The following CACNA2D3 variants were observed in gnomAD, a reference collection of about 807,000 sequenced individuals.
CACNA2D3 encodes calcium voltage-gated channel auxiliary subunit alpha2delta 3.
A neutral mutation model predicts 160.6 loss-of-function variants in CACNA2D3; 60 were observed. That is an observed-to-expected ratio of 0.37 (90% confidence interval 0.30 to 0.46). CACNA2D3 has a LOEUF of 0.46. CACNA2D3 is among the 20% of genes least tolerant of loss of function. CACNA2D3 has a pLI of 1.00. For missense variants in CACNA2D3, 1,205 were observed against 1,365.0 expected, an observed-to-expected ratio of 0.88 and a Z score of 1.85; for synonymous variants, 558 against 492.9, an observed-to-expected ratio of 1.13 and a Z score of -1.75.
At chr3:54,613,903 C>T (rs1242138991) in intron 9 of CACNA2D3, among the ~76,000 whole-genome samples, 2 of 152,124 alleles carry the variant, frequency 1.3e-5, no homozygotes, top group Non-Finnish European at 1.5e-5. Context: ...CCTTTAGTGC[C>T]TCTGTTTTAT....
chr3:54,797,573 C>T (rs528214945), intron 13 of CACNA2D3, among the ~76,000 whole-genome samples: 1 of 152,304 alleles, frequency 6.6e-6, no homozygotes, highest in Non-Finnish European at 1.5e-5. Flanking sequence ...TCCCCACCAC[C>T]CCCATTTTTG....
In CACNA2D3 at chr3:54,575,496, A is replaced by G. The variant is rs545287970; in HGVS notation, c.888+5392A>G. 1.3e-4 allele frequency among the ~76,000 whole-genome samples: 20 copies of G among 151,744 alleles called. No homozygotes were observed. The South Asian group carries it at 1.5e-3, about 11-fold the overall frequency. Reference sequence around the variant, plus strand: ...TTTTGCCTTTTTGTTTCTTTGTTCTATCGATTCATTCAACAAATAGTACTG... The same window carrying G: ...TTTTGCCTTTTTGTTTCTTTGTTCTGTCGATTCATTCAACAAATAGTACTG... On this transcript the variant is annotated intron_variant, in intron 8 of 37. Transcript: ENST00000474759.
intron 3 of CACNA2D3, among the ~76,000 whole-genome samples, chr3:54,333,443 C>G (rs1161141499): frequency 6.6e-6 from 1 of 152,074 alleles, no homozygotes. Flanking sequence ...CCACTTTTCT[C>G]TGGGTATTGA....
intron 17 of CACNA2D3, among the ~76,000 whole-genome samples, chr3:54,847,324 A>G (rs1698955259): frequency 6.6e-6 from 1 of 152,258 alleles, no homozygotes; most frequent in Admixed American, 6.5e-5. Context: ...AAAGTTAAGA[A>G]AGTGTAGATC....
chr3:54,506,489 A>G (rs547409653), intron 5 of CACNA2D3, among the ~76,000 whole-genome samples: 14 of 152,246 alleles, frequency 9.2e-5, no homozygotes, highest in South Asian at 2.1e-4. Context: ...GCTTTCTACA[A>G]TCTGCTTTCT....
Position 54,990,808 on chromosome 3 carries a change from A to T in CACNA2D3, c.2690+3055A>T, listed in dbSNP as rs184892409. Among the ~76,000 whole-genome samples, 24 of 152,290 alleles carry T rather than the reference A, an allele frequency of 1.6e-4. No individual in the cohort carries two copies. The East Asian group carries it at 4.6e-3, about 29-fold the overall frequency. The stretch of plus-strand genomic sequence containing the variant: ...GTGCCATCAGAGGGAAAGAACATCC[A>T]CTTCTGGGTCTGTAGTGCAGGCAGA... On this transcript the variant is annotated intron_variant, in intron 31 of 37. Coordinates refer to ENST00000474759, the MANE Select transcript of CACNA2D3 (RefSeq NM_018398.3).
At chr3:54,464,903 A>G (rs577557804) in intron 4 of CACNA2D3, among the ~76,000 whole-genome samples, 3 of 152,164 alleles carry the variant, frequency 2.0e-5, no homozygotes, top group African/African-American at 2.4e-5. Flanking sequence ...AGCTGTTCCT[A>G]TTTGGCCATC....
intron 13 of CACNA2D3, among the ~76,000 whole-genome samples, chr3:54,807,878 A>G (rs1703174661): frequency 6.7e-6 from 1 of 150,292 alleles, no homozygotes. Flanking sequence ...TGCAGCCATA[A>G]AAAATGATGA....
intron 14 of CACNA2D3, among the ~76,000 whole-genome samples, chr3:54,821,442 T>G (rs906587992): frequency 1.3e-5 from 2 of 152,200 alleles, no homozygotes; most frequent in African/African-American, 4.8e-5. Context: ...GCTTAACTTG[T>G]ATGAGGACTC....
chr3:54,766,570 A>G (rs1236160201), intron 13 of CACNA2D3, among the ~76,000 whole-genome samples: 1 of 152,192 alleles, frequency 6.6e-6, no homozygotes, highest in Admixed American at 6.5e-5. Flanking sequence ...TTACCCTTTG[A>G]TCCAGCAATC....
chr3:54,155,175 T>G (rs1700224294), intron 2 of CACNA2D3, among the ~76,000 whole-genome samples: 1 of 152,212 alleles, frequency 6.6e-6, no homozygotes, highest in Non-Finnish European at 1.5e-5. Flanking sequence ...TAGTGGTCTA[T>G]GGTTTAGTGG....
intron 11 of CACNA2D3, among the ~76,000 whole-genome samples, chr3:54,739,425 C>CAAAAAAAAAAAAAAAA (rs780105524): frequency 1.2e-5 from 1 of 85,324 alleles, no homozygotes; most frequent in Non-Finnish European, 2.2e-5. Flanking sequence ...GACTCTGTCT[C>CAAAAAAAAAAAAAAAA]AAAAAAAAAA....
At chr3:54,882,089 C>G (rs911313790) in intron 21 of CACNA2D3, among the ~76,000 whole-genome samples, 3 of 152,192 alleles carry the variant, frequency 2.0e-5, no homozygotes, top group Non-Finnish European at 4.4e-5. Flanking sequence ...CAGAGACATG[C>G]CAGAGAACAC....
At chr3:55,016,801 C>T (rs1703335574) in intron 34 of CACNA2D3, among the ~76,000 whole-genome samples, 1 of 152,144 alleles carries the variant, frequency 6.6e-6, no homozygotes, top group Non-Finnish European at 1.5e-5. Flanking sequence ...AACCCCAAAC[C>T]CCCAACCAAT....
At chr3:54,475,335 A>C (rs1006210655) in intron 4 of CACNA2D3, among the ~76,000 whole-genome samples, 6 of 152,186 alleles carry the variant, frequency 3.9e-5, no homozygotes, top group Non-Finnish European at 8.8e-5. Flanking sequence ...TGCTTGTTGG[A>C]GAATAAAATA....
intron 5 of CACNA2D3, among the ~76,000 whole-genome samples, chr3:54,520,187 T>C (rs990877088): frequency 1.3e-5 from 2 of 152,332 alleles, no homozygotes; most frequent in African/African-American, 4.8e-5. Flanking sequence ...GTGAGTGCCC[T>C]AGTGCAGTTC....
At chr3:54,296,194 A>G (rs1366453156) in intron 2 of CACNA2D3, among the ~76,000 whole-genome samples, 1 of 152,222 alleles carries the variant, frequency 6.6e-6, no homozygotes, top group Non-Finnish European at 1.5e-5. Context: ...ATGGATGTGA[A>G]TTGAACTTGG....
chr3:54,173,781 C>T (rs1700617239), intron 2 of CACNA2D3, among the ~76,000 whole-genome samples: 1 of 152,208 alleles, frequency 6.6e-6, no homozygotes, highest in African/African-American at 2.4e-5. Context: ...TGAGTCTTTA[C>T]TGACTTTACA....
chr3:54,621,818 C>T (rs1044932957), intron 9 of CACNA2D3, among the ~76,000 whole-genome samples: 1 of 152,184 alleles, frequency 6.6e-6, no homozygotes, highest in South Asian at 2.1e-4. Context: ...AAAGTTGCAA[C>T]CCAGGAAGTG....
Sources: allele counts gnomAD v4.1 joint callset (sites outside exome capture counted in the v4.1 genomes callset), GRCh38; gene constraint gnomAD v4.1.1; transcripts MANE v1.5; gene names NCBI Gene and HGNC (gene_info 2026-07-23, HGNC 2026-07-21).